Variants in CCDC171 observed in about 807,000 individuals in gnomAD.
The protein encoded by CCDC171 is coiled-coil domain-containing protein 171.
In CCDC171, 177 loss-of-function variants were observed where a neutral mutation model predicts 168.2. The observed-to-expected ratio is 1.05, with a 90% CI of 0.93 to 1.19. The LOEUF is 1.19. Ranked by LOEUF, CCDC171 falls within the 50% of genes most tolerant of loss-of-function variation. CCDC171 has a pLI of 0.00. For missense variants in CCDC171, 1,991 were observed against 1,539.0 expected (o/e 1.29, Z -4.91); for synonymous variants, 687 against 540.8 (o/e 1.27, Z -3.75).
intron 1 of CCDC171, among the ~76,000 whole-genome samples, chr9:15,553,951 C>G (rs538917503): frequency 1.2e-4 from 18 of 151,334 alleles, no homozygotes; most frequent in African/African-American, 4.4e-4. Flanking sequence ...GTGTCCAGCT[C>G]TTTTGAATAC....
At chr9:15,624,164 CT>C (rs1198109863) in intron 7 of CCDC171, among the ~76,000 whole-genome samples, 1 of 151,944 alleles carries the variant, frequency 6.6e-6, no homozygotes, top group African/African-American at 2.4e-5. Flanking sequence ...AGGATTATAA[CT>C]TTTGGGAGGA....
chr9:15,745,804 A>G (rs1423395642), intron 18 of CCDC171, among the ~76,000 whole-genome samples, 173 bp downstream of exon 18: 1 of 152,212 alleles, frequency 6.6e-6, no homozygotes, highest in Non-Finnish European at 1.5e-5. Context: ...GTAAATTAAT[A>G]TAAATTTTGT....
intron 25 of CCDC171, among the ~76,000 whole-genome samples, chr9:15,946,263 A>G (rs1354534177): frequency 1.3e-5 from 2 of 151,974 alleles, no homozygotes; most frequent in Non-Finnish European, 2.9e-5. Context: ...TACCAGTACC[A>G]TGCTGTTTTG....
intron 21 of CCDC171, among the ~76,000 whole-genome samples, chr9:15,817,884 G>C (rs2059619458): frequency 8.4e-6 from 1 of 118,536 alleles, no homozygotes; most frequent in Admixed American, 7.9e-5. Context: ...CTGAGAACGG[G>C]CAGACTGCCT....
At chr9:15,809,226 T>C (rs1464581412) in intron 21 of CCDC171, among the ~76,000 whole-genome samples, 2 of 152,196 alleles carry the variant, frequency 1.3e-5, no homozygotes, top group African/African-American at 4.8e-5. Flanking sequence ...AGAATTAGCA[T>C]GAGTGTATTT....
intron 23 of CCDC171, among the ~76,000 whole-genome samples, chr9:15,870,783 C>G (rs2062002535): frequency 9.6e-6 from 1 of 103,640 alleles, no homozygotes; most frequent in Non-Finnish European, 2.2e-5. Context: ...TGATATCTAG[C>G]AGAAATAGCT....
At chr9:15,896,319 A>T (rs1056460841) in intron 24 of CCDC171, among the ~76,000 whole-genome samples, 2 of 152,006 alleles carry the variant, frequency 1.3e-5, no homozygotes, top group Non-Finnish European at 2.9e-5. Flanking sequence ...AACATCATTT[A>T]AAAAAAGTCT....
chr9:15,634,915 C>G (rs2046082356), intron 7 of CCDC171, among the ~76,000 whole-genome samples: 1 of 152,150 alleles, frequency 6.6e-6, no homozygotes. Context: ...TTCTGACTGA[C>G]TTCTTTCACT....
At chr9:16,052,146 T>C (rs1833759613) in intron 1 of CCDC171, among the ~76,000 whole-genome samples, 1 of 152,348 alleles carries the variant, frequency 6.6e-6, no homozygotes, top group South Asian at 2.1e-4. Flanking sequence ...CCTTTTGTTT[T>C]GGGGTTGTGG....
rs914554619 is a variant in CCDC171 at position 15,861,629 on chromosome 9, A to G, written c.3468+12682A>G. Among the ~76,000 whole-genome samples, 6 of 151,972 alleles carry G rather than the reference A, an allele frequency of 3.9e-5. 1 individual carries two copies. The highest frequency in any genetic ancestry group is 7.2e-5 in the African/African-American group (3 of 41,398). ...AACTTTAATCACATGCAAAAACTCT[A>G]CAGTTTTACTCCTCCTACCTTCACA... On this transcript the variant is annotated intron_variant, in intron 23 of 25. Transcript: ENST00000380701.
At chr9:15,613,712 A>G (rs2043878487) in intron 6 of CCDC171, among the ~76,000 whole-genome samples, 1 of 151,796 alleles carries the variant, frequency 6.6e-6, no homozygotes, top group Admixed American at 6.6e-5. Flanking sequence ...TTTAGTAGAG[A>G]CAGGGTTTCA....
intron 21 of CCDC171, among the ~76,000 whole-genome samples, chr9:15,830,791 G>A (rs2060197464): frequency 6.6e-6 from 1 of 151,982 alleles, no homozygotes; most frequent in Non-Finnish European, 1.5e-5. Flanking sequence ...GGTTAAGAGT[G>A]GTTAGAATCT....
In CCDC171 at chr9:15,709,219, A is replaced by G. The variant is rs141605128; in HGVS notation, c.1319-12550A>G. On this transcript the variant is annotated intron_variant, in intron 11 of 25. Coordinates refer to ENST00000380701, the MANE Select transcript of CCDC171 (RefSeq NM_173550.4). ...AGGTTAATTCTCCTCCTACTCCGAA[A>G]AAACCCAGTAAGATTAACAGGTAAA... 5.3e-4 allele frequency among the ~76,000 whole-genome samples: 80 copies of G among 152,314 alleles called. 1 individual carries two copies. The East Asian group carries it at 0.015, about 28-fold the overall frequency.
Position 15,578,972 on chromosome 9 carries a change from G to A in CCDC171, c.301G>A (p.Ala101Thr). The change falls in exon 4 of 26, where the codon GCT becomes ACT. Residue 101 changes from alanine to threonine, a missense_variant. Coordinates refer to ENST00000380701, the MANE Select transcript of CCDC171 (RefSeq NM_173550.4). ...ARKEAGLGRR[A>T]AEERLAEAHR... ...AAAGGAAGCTGGTCTTGGAAGACGG[G>A]CTGCTGAAGAAAGATTAGCCGAGGC... The A allele has an allele frequency of 6.2e-7, 1 of 1,614,052 alleles. No individual in the cohort carries two copies. The highest frequency in any genetic ancestry group is 8.5e-7 in the Non-Finnish European group (1 of 1,179,976).
chr9:15,669,944 T>C (rs962142664), intron 9 of CCDC171, among the ~76,000 whole-genome samples: 3 of 115,184 alleles, frequency 2.6e-5, no homozygotes, highest in African/African-American at 9.9e-5. Context: ...AATTCTTAGC[T>C]GAAGTCTTAA....
At chr9:16,006,789 C>T (rs1236789369) in intron 3 of CCDC171, among the ~76,000 whole-genome samples, 1 of 152,178 alleles carries the variant, frequency 6.6e-6, no homozygotes, top group Non-Finnish European at 1.5e-5. Context: ...GCATGGTATT[C>T]CATGGTGTGT....
rs147735087 is a variant in CCDC171 at position 15,862,309 on chromosome 9, A to G, written c.3469-12223A>G. ...TTTCACGTGGCCTATCTTCAAGTTCACCAATTTTTTTTTTTCTGCTGGTTT... is the reference window on the plus strand; with the variant it reads ...TTTCACGTGGCCTATCTTCAAGTTCGCCAATTTTTTTTTTTCTGCTGGTTT... On this transcript the variant is annotated intron_variant, in intron 23 of 25. Coordinates refer to ENST00000380701, the MANE Select transcript of CCDC171 (RefSeq NM_173550.4). 1.8e-3 allele frequency among the ~76,000 whole-genome samples: 274 copies of G among 149,060 alleles called. 2 individuals carry two copies. The highest frequency in any genetic ancestry group is 6.3e-3 in the African/African-American group (255 of 40,592).
At chr9:15,955,733 G>T (rs1009071936) in intron 25 of CCDC171, among the ~76,000 whole-genome samples, 2 of 152,054 alleles carry the variant, frequency 1.3e-5, no homozygotes, top group Admixed American at 1.3e-4. Flanking sequence ...TTACTACTCT[G>T]CCATCTTTCC....
chr9:16,021,356 G>C (rs896713363), intron 4 of CCDC171, among the ~76,000 whole-genome samples: 4 of 152,180 alleles, frequency 2.6e-5, no homozygotes, highest in Admixed American at 2.0e-4. Flanking sequence ...AAAGTGCTGG[G>C]ATTACAGGTG....
Sources: gnomAD v4.1 joint callset for allele counts (sites outside exome capture counted in the v4.1 genomes callset) on GRCh38, gnomAD v4.1.1 for gene constraint, MANE v1.5 for transcripts, NCBI Gene and HGNC (gene_info 2026-07-23, HGNC 2026-07-21) for gene names.